Variants in DKK2 observed in about 807,000 individuals in gnomAD.
DKK2 encodes dickkopf Wnt signaling pathway inhibitor 2, also known as dickkopf-related protein 2.
Under a neutral mutation model 28.1 loss-of-function variants are expected in DKK2, and 11 were observed. That is an observed-to-expected ratio of 0.39 (90% confidence interval 0.25 to 0.65). DKK2 has a LOEUF of 0.65. DKK2 is among the 30% of genes least tolerant of loss of function. The pLI is 0.47. For missense variants in DKK2, 326 were observed against 335.5 expected (o/e 0.97, Z 0.22); for synonymous variants, 135 against 126.5 (o/e 1.07, Z -0.45).
At chr4:106,993,005 A>C (rs1723225995) in intron 1 of DKK2, among the ~76,000 whole-genome samples, 1 of 152,242 alleles carries the variant, frequency 6.6e-6, no homozygotes, top group South Asian at 2.1e-4. Flanking sequence ...GGATACTGCA[A>C]AGAACCAGCA....
Position 106,923,823 on chromosome 4 carries a change from G to C in DKK2, c.*131C>G. On this transcript the variant is annotated 3_prime_UTR_variant, in exon 4 of 4. Coordinates refer to ENST00000285311, the MANE Select transcript of DKK2 (RefSeq NM_014421.3). ...TCATGTTTTCTTTCTCCCTTTTTGTGATCATCTATATTCTTATCACGTTTC... is the reference window on the plus strand; with the variant it reads ...TCATGTTTTCTTTCTCCCTTTTTGTCATCATCTATATTCTTATCACGTTTC... 2 of 1,259,128 alleles carry C rather than the reference G, an allele frequency of 1.6e-6. No homozygotes were observed. The highest frequency in any genetic ancestry group is 2.2e-6 in the Non-Finnish European group (2 of 914,844). The allele number at this position is 1,259,128 out of a possible 1,614,324, so 78.0% of individuals were successfully genotyped here.
At chr4:106,927,449 C>T (rs981508559) in intron 1 of DKK2, among the ~76,000 whole-genome samples, 2 of 152,100 alleles carry the variant, frequency 1.3e-5, no homozygotes, top group Non-Finnish European at 1.5e-5. Flanking sequence ...CTTGTTTACC[C>T]TTTAAAGAAT....
intron 1 of DKK2, among the ~76,000 whole-genome samples, chr4:106,962,542 TGTG>T (rs1722707412): frequency 7.3e-6 from 1 of 136,720 alleles, no homozygotes; most frequent in African/African-American, 2.8e-5. Context: ...TGTGTGTGTG[TGTG>T]TGTGTGTGAA....
chr4:107,003,871 G>A (rs1723398827), intron 1 of DKK2, among the ~76,000 whole-genome samples: 1 of 152,142 alleles, frequency 6.6e-6, no homozygotes, highest in African/African-American at 2.4e-5. Flanking sequence ...ACGCACTTTT[G>A]AGAAGCAGAG....
intron 1 of DKK2, among the ~76,000 whole-genome samples, chr4:107,033,709 C>T (rs1723912026): frequency 6.6e-6 from 1 of 152,116 alleles, no homozygotes; most frequent in Non-Finnish European, 1.5e-5. Context: ...ACACATTAAG[C>T]TTTCTTCAAC....
intron 1 of DKK2, among the ~76,000 whole-genome samples, chr4:106,951,358 G>T (rs1036960809): frequency 2.6e-5 from 4 of 151,992 alleles, no homozygotes; most frequent in Admixed American, 2.6e-4. Flanking sequence ...AAAAGAAATC[G>T]ATATATCAAA....
At chr4:106,969,379 T>C (rs1215176932) in intron 1 of DKK2, among the ~76,000 whole-genome samples, 1 of 151,930 alleles carries the variant, frequency 6.6e-6, no homozygotes, top group Non-Finnish European at 1.5e-5. Flanking sequence ...TCTGTAGTAC[T>C]AATGGTTCTC....
At chr4:106,949,326 T>A (rs1047067360) in intron 1 of DKK2, among the ~76,000 whole-genome samples, 2 of 152,170 alleles carry the variant, frequency 1.3e-5, no homozygotes, top group Admixed American at 1.3e-4. Context: ...GAAGGGTGTG[T>A]GTTACAAACA....
In DKK2 at chr4:106,929,462, A is replaced by T. The variant is rs1052116753; in HGVS notation, c.223-3513T>A. 1.2e-4 allele frequency among the ~76,000 whole-genome samples: 18 copies of T among 152,340 alleles called. No homozygotes were observed. In the East Asian group the frequency reaches 1.3e-3, roughly 11 times the overall value. ...TCCAGGAATACTTAGCTTCATGCAGAATCATTCATTATTGCATCAGTTATA... is the reference window on the plus strand; with the variant it reads ...TCCAGGAATACTTAGCTTCATGCAGTATCATTCATTATTGCATCAGTTATA... On this transcript the variant is annotated intron_variant, in intron 1 of 3. Coordinates refer to ENST00000285311, the MANE Select transcript of DKK2 (RefSeq NM_014421.3).
chr4:107,026,305 A>T (rs17037267), intron 1 of DKK2, among the ~76,000 whole-genome samples: 36,038 of 152,110 alleles, frequency 0.24, 4,649 homozygotes, highest in East Asian at 0.53. Flanking sequence ...AGTAAATGTT[A>T]AGAAGGTTTT....
At chr4:107,021,486 G>A (rs1247316977) in intron 1 of DKK2, among the ~76,000 whole-genome samples, 3 of 151,976 alleles carry the variant, frequency 2.0e-5, no homozygotes, top group Admixed American at 6.6e-5. Context: ...TTAAATGTGC[G>A]TCTTTATCAA....
chr4:106,975,254 C>T (rs1261743427), intron 1 of DKK2, among the ~76,000 whole-genome samples: 1 of 152,134 alleles, frequency 6.6e-6, no homozygotes, highest in Non-Finnish European at 1.5e-5. Context: ...ATGCTGGCCT[C>T]ATAAAATGAG....
At chr4:107,003,727 G>A (rs1412567768) in intron 1 of DKK2, among the ~76,000 whole-genome samples, 1 of 152,166 alleles carries the variant, frequency 6.6e-6, no homozygotes, top group African/African-American at 2.4e-5. Context: ...ATCATCAGTA[G>A]TATAAAACTA....
chr4:106,981,523 T>C (rs1025727867), intron 1 of DKK2, among the ~76,000 whole-genome samples: 6 of 152,160 alleles, frequency 3.9e-5, no homozygotes, highest in African/African-American at 1.4e-4. Flanking sequence ...GTTCCCTTCA[T>C]ATTTGAATTT....
At chr4:106,924,346 A>G (rs1474572848) in intron 3 of DKK2, 142 bp from the exon 4 acceptor site, 4 of 1,306,126 alleles carry the variant, frequency 3.1e-6, no homozygotes, top group Middle Eastern at 2.2e-4. Flanking sequence ...CTTGGTTGAT[A>G]CCAATTGGCT....
At chr4:106,948,842 T>C (rs545341370) in intron 1 of DKK2, among the ~76,000 whole-genome samples, 27 of 152,322 alleles carry the variant, frequency 1.8e-4, no homozygotes, top group African/African-American at 6.5e-4. Context: ...TCAGAACTTA[T>C]ATGATCTACT....
intron 1 of DKK2, among the ~76,000 whole-genome samples, chr4:106,935,677 AAAGAGACAGC>A (rs1360160830): frequency 1.2e-4 from 19 of 152,350 alleles, no homozygotes; most frequent in Admixed American, 1.2e-3. Flanking sequence ...ACAGACAAAC[AAAGAGACAGC>A]AGTAACCTCT....
intron 1 of DKK2, among the ~76,000 whole-genome samples, chr4:106,997,277 G>T (rs1160878338): frequency 6.6e-6 from 1 of 151,796 alleles, no homozygotes; most frequent in Non-Finnish European, 1.5e-5. Context: ...CACGTAGAAG[G>T]CTTTCAAAAA....
At chr4:107,032,246 C>T (rs2110378638) in intron 1 of DKK2, among the ~76,000 whole-genome samples, 1 of 152,012 alleles carries the variant, frequency 6.6e-6, no homozygotes, top group South Asian at 2.1e-4. Flanking sequence ...TGTCAGTTTC[C>T]ATTATAACTC....
Sources: gnomAD v4.1 joint callset for allele counts (sites outside exome capture counted in the v4.1 genomes callset) on GRCh38, gnomAD v4.1.1 for gene constraint, MANE v1.5 for transcripts, NCBI Gene and HGNC (gene_info 2026-07-23, HGNC 2026-07-21) for gene names.